The following PRDM10 variants were observed in gnomAD, a reference collection of about 807,000 sequenced individuals.
The protein encoded by PRDM10 is PR domain zinc finger protein 10.
PRDM10 carries 65 observed loss-of-function variants against 133.1 expected under a neutral mutation model. The ratio of observed to expected loss-of-function variants is 0.49; its 90% CI spans 0.40 to 0.60. The LOEUF is 0.60. PRDM10 is among the 20% of genes least tolerant of loss of function. The pLI is 0.00. For missense variants in PRDM10, 1,137 were observed against 1,507.1 expected (o/e 0.75, Z 4.07); for synonymous variants, 582 against 580.4 (o/e 1.00, Z -0.04).
intron 11 of PRDM10, among the ~76,000 whole-genome samples, chr11:129,930,183 T>C (rs1480715292): frequency 6.7e-6 from 1 of 149,856 alleles, no homozygotes; most frequent in East Asian, 1.9e-4. Flanking sequence ...CATGTAGAAA[T>C]TGTAAAGCCT....
intron 1 of PRDM10, among the ~76,000 whole-genome samples, chr11:129,980,548 T>A (rs962259303): frequency 6.6e-6 from 1 of 152,074 alleles, no homozygotes; most frequent in Non-Finnish European, 1.5e-5. Flanking sequence ...GGAAAAATTG[T>A]CTCCCACAAA....
intron 1 of PRDM10, among the ~76,000 whole-genome samples, chr11:129,990,946 A>G (rs1938710988): frequency 6.6e-6 from 1 of 152,192 alleles, no homozygotes; most frequent in Non-Finnish European, 1.5e-5. Context: ...ATGAAGACCT[A>G]CAAGCTACCA....
At chr11:129,909,023 C>A (rs1950099904) in intron 19 of PRDM10, among the ~76,000 whole-genome samples, 1 of 151,954 alleles carries the variant, frequency 6.6e-6, no homozygotes, top group African/African-American at 2.4e-5. Flanking sequence ...AGCCACCACG[C>A]CTGGCCCGCT....
chr11:129,914,919 G>A lies in PRDM10; in HGVS notation c.2626C>T (p.Pro876Ser). The A allele has an allele frequency of 1.2e-6, 2 of 1,614,140 alleles. No homozygotes were observed. Among genetic ancestry groups the A allele is most frequent in the African/African-American group, 2.7e-5 (2 of 75,030 alleles). Residue 876 changes from proline to serine, a missense_variant, in exon 17 of 21, where the codon CCA becomes TCA. Pro to Ser is a moderately conservative substitution (Grantham distance 74). Transcript: ENST00000360871. ...GCGCTGTCTGTAGTCAAAACCGCTG[G>A]GGTGGCACTGATCACAGCTGTCGTC... is the stretch of plus-strand genomic sequence containing the variant. ...PLTTAVISAT[P>S]AVLTTDSATG...
At chr11:130,001,205 CTTG>C (rs1442555337) in intron 1 of PRDM10, among the ~76,000 whole-genome samples, 10 of 151,986 alleles carry the variant, frequency 6.6e-5, no homozygotes, top group South Asian at 2.1e-4. Context: ...AAAAAAAAAT[CTTG>C]TTTTCTCTAT....
Position 129,923,246 on chromosome 11 carries a change from A to T in PRDM10, c.2034+2T>A, listed in dbSNP as rs1163499389. ...ACCTTGGGCTGTGCCTTGGTGTCATACCTTAAATTGCTTCCCACAGGTGGA... is the reference window on the plus strand; with the variant it reads ...ACCTTGGGCTGTGCCTTGGTGTCATTCCTTAAATTGCTTCCCACAGGTGGA... On this transcript the variant is annotated splice_donor_variant, in intron 13 of 20. Coordinates refer to ENST00000360871, the MANE Select transcript of PRDM10 (RefSeq NM_199437.2). LOFTEE classifies it high-confidence loss of function. The surrounding 1 kb of genome is among the most constrained non-coding windows in gnomAD (Gnocchi z 4.4). 6.3e-7 allele frequency: 1 copy of T among 1,575,032 alleles called. No individual in the cohort carries two copies. Among genetic ancestry groups the T allele is most frequent in the Non-Finnish European group, 8.6e-7 (1 of 1,158,954 alleles).
At chr11:129,964,380 A>C (rs1346002871) in intron 1 of PRDM10, among the ~76,000 whole-genome samples, 1 of 152,228 alleles carries the variant, frequency 6.6e-6, no homozygotes, top group East Asian at 1.9e-4. Flanking sequence ...AGGCACAAAA[A>C]GGTATACAGT....
At position 129,980,339 on chromosome 11, in the gene PRDM10, G is replaced by A. The variant is rs1202908289; in HGVS notation, c.-118-19257C>T. On this transcript the variant is annotated intron_variant, in intron 1 of 20. Coordinates refer to ENST00000360871, the MANE Select transcript of PRDM10 (RefSeq NM_199437.2). The stretch of plus-strand genomic sequence containing the variant: ...GTCTCCGACCTTGACCCCCGGGGCC[G>A]CACACAGGTACCAGTCCTGTGGCCT... 6.6e-5 allele frequency among the ~76,000 whole-genome samples: 10 copies of A among 152,310 alleles called. No individual in the cohort carries two copies. In the South Asian group the frequency reaches 8.3e-4, roughly 13 times the overall value.
In PRDM10 at chr11:129,997,663, A is replaced by G. The variant is rs1401449123; in HGVS notation, c.-119+5059T>C. On this transcript the variant is annotated intron_variant, in intron 1 of 20. Coordinates refer to ENST00000360871, the MANE Select transcript of PRDM10 (RefSeq NM_199437.2). Reference sequence around the variant, plus strand: ...GAAAAATGGTAAATTCTAAAAATCAATGTATTGAATAACAGACCAAGTTTG... The same window carrying G: ...GAAAAATGGTAAATTCTAAAAATCAGTGTATTGAATAACAGACCAAGTTTG... Among the ~76,000 whole-genome samples the G allele has an allele frequency of 2.0e-5, 3 of 152,212 alleles. No homozygotes were observed. The East Asian group carries it at 5.8e-4, about 29-fold the overall frequency.
chr11:129,951,480 A>G (rs988208346), intron 4 of PRDM10, among the ~76,000 whole-genome samples: 1 of 152,238 alleles, frequency 6.6e-6, no homozygotes, highest in African/African-American at 2.4e-5. Context: ...AGAGGAAAGG[A>G]GTCTGAAGCA....
At chr11:129,903,836 G>C (rs1477337332) in intron 20 of PRDM10, among the ~76,000 whole-genome samples, 1 of 152,036 alleles carries the variant, frequency 6.6e-6, no homozygotes, top group Non-Finnish European at 1.5e-5. Flanking sequence ...ACTCCTAGGG[G>C]GTCCATAGGT....
chr11:129,918,218 G>C lies in PRDM10; in HGVS notation c.2214+321C>G, dbSNP rs1950415898. On this transcript the variant is annotated intron_variant, in intron 14 of 20. Transcript: ENST00000360871. The surrounding 1 kb of genome is among the most constrained non-coding windows in gnomAD (Gnocchi z 5.3). ...AATACATTCAGGGACACAAAAGAGG[G>C]AACTAAAATAAGGTGAGAGCAGAGA... Among the ~76,000 whole-genome samples the C allele has an allele frequency of 1.3e-5, 2 of 149,734 alleles. No homozygotes were observed. The highest frequency in any genetic ancestry group is 3.0e-5 in the Non-Finnish European group (2 of 67,510).
At chr11:129,906,968 A>G (rs1950034232) in intron 19 of PRDM10, among the ~76,000 whole-genome samples, 1 of 145,792 alleles carries the variant, frequency 6.9e-6, no homozygotes, top group Non-Finnish European at 1.5e-5. Flanking sequence ...ACAAAGCGAG[A>G]CTCCATTTCA....
chr11:129,904,780 G>A (rs1210060269), intron 20 of PRDM10, among the ~76,000 whole-genome samples: 5 of 152,188 alleles, frequency 3.3e-5, no homozygotes, highest in Admixed American at 1.3e-4. Flanking sequence ...GATTATAGGC[G>A]TGAGCCACTG....
chr11:129,947,905 G>C lies in PRDM10; in HGVS notation c.295-535C>G, dbSNP rs1226605480. On this transcript the variant is annotated intron_variant, in intron 4 of 20. Transcript: ENST00000360871. The surrounding 1 kb of genome is among the most constrained non-coding windows in gnomAD (Gnocchi z 4.6). Reference sequence around the variant, plus strand: ...GGGTCCCTCTTGCCTTTCCAGAGTAGCCATACCACACTGGAGGGGGTAAAT... The same window carrying C: ...GGGTCCCTCTTGCCTTTCCAGAGTACCCATACCACACTGGAGGGGGTAAAT... The C allele has an allele frequency of 1.8e-5, 7 of 384,326 alleles. No homozygotes were observed. Among genetic ancestry groups the C allele is most frequent in the Admixed American group, 1.6e-4 (5 of 30,540 alleles). The allele number at this position is 384,326 out of a possible 1,614,324, so 23.8% of individuals were successfully genotyped here.
chr11:129,979,457 C>A (rs1234903943), intron 1 of PRDM10, among the ~76,000 whole-genome samples: 2 of 152,124 alleles, frequency 1.3e-5, no homozygotes, highest in African/African-American at 4.8e-5. Flanking sequence ...GGTTTGCAGT[C>A]TTTCTGACTG....
At chr11:129,986,654 G>A (rs1300520570) in intron 1 of PRDM10, among the ~76,000 whole-genome samples, 1 of 152,196 alleles carries the variant, frequency 6.6e-6, no homozygotes, top group Non-Finnish European at 1.5e-5. Context: ...CTCCCAAAGT[G>A]CGTGAGCCAC....
At chr11:129,908,095 T>G (rs1329838595) in intron 19 of PRDM10, among the ~76,000 whole-genome samples, 1 of 151,928 alleles carries the variant, frequency 6.6e-6, no homozygotes, top group African/African-American at 2.4e-5. Flanking sequence ...CAAGACCCTC[T>G]CTCTTAAAAA....
At chr11:129,952,521 T>A (rs1005666659) in intron 4 of PRDM10, among the ~76,000 whole-genome samples, 6 of 152,198 alleles carry the variant, frequency 3.9e-5, no homozygotes, top group African/African-American at 1.4e-4. Flanking sequence ...TATCAATTCA[T>A]GGCCAATCAA....
Sources: allele counts gnomAD v4.1 joint callset (sites outside exome capture counted in the v4.1 genomes callset), GRCh38; gene constraint gnomAD v4.1.1; non-coding constraint Gnocchi (gnomAD v3.1); transcripts MANE v1.5; gene names NCBI Gene and HGNC (gene_info 2026-07-23, HGNC 2026-07-21).